ILKAP: variants seen among roughly 807,000 people sequenced by gnomAD.
ILKAP encodes the protein ILK associated serine/threonine phosphatase.
A neutral mutation model predicts 49.1 loss-of-function variants in ILKAP; 11 were observed. That is an observed-to-expected ratio of 0.22 (90% CI 0.14 to 0.37). The LOEUF (loss-of-function observed/expected upper bound fraction) is 0.37. Among genes scored for constraint, ILKAP ranks in the 10% least tolerant of loss-of-function variants. ILKAP has a pLI of 1.00. For missense variants in ILKAP, 363 were observed against 510.8 expected, an observed-to-expected ratio of 0.71 and a Z score of 2.79; for synonymous variants, 186 against 192.8, an observed-to-expected ratio of 0.96 and a Z score of 0.29.
At chr2:238,199,125 T>C (rs1465077338) in intron 1 of ILKAP, among the ~76,000 whole-genome samples, 1 of 152,138 alleles carries the variant, frequency 6.6e-6, no homozygotes, top group African/African-American at 2.4e-5. Context: ...CAAGGCATGC[T>C]CCAGGCCAAC....
At chr2:238,181,931 G>C in intron 9 of ILKAP, 134 bp downstream of exon 9, 2 of 898,908 alleles carry the variant, frequency 2.2e-6, no homozygotes, top group Non-Finnish European at 3.4e-6. Flanking sequence ...TATGTCACCA[G>C]TGTTAGATCT....
intron 11 of ILKAP, 45 bp downstream of exon 11, chr2:238,170,897 TA>T: frequency 6.4e-7 from 1 of 1,561,458 alleles, no homozygotes; most frequent in Non-Finnish European, 8.8e-7. Flanking sequence ...CTCTGAAAAC[TA>T]AGACACAATT....
At chr2:238,188,883 T>C (rs755349879) in intron 4 of ILKAP, among the ~76,000 whole-genome samples, 15 of 152,244 alleles carry the variant, frequency 9.9e-5, no homozygotes, top group African/African-American at 3.4e-4. Context: ...TGTGAAGAGC[T>C]GTCTTCTGGG....
Position 238,203,570 on chromosome 2 carries a change from AGGC to A in ILKAP, c.-20_-18del. The A allele has an allele frequency of 8.7e-7, 1 of 1,150,462 alleles. No individual in the cohort carries two copies. The highest frequency in any genetic ancestry group is 1.1e-6 in the Non-Finnish European group (1 of 933,476). The allele number at this position is 1,150,462 out of a possible 1,614,324, so 71.3% of individuals were successfully genotyped here. ...GAGGTCCATGGCGGAGGCTGGGTGG[AGGC>A]GGCAGCAGCGACAGACACTCAGCCC... On this transcript the variant is annotated 5_prime_UTR_variant, in exon 1 of 12. Transcript: ENST00000254654.
chr2:238,185,327 A>C, intron 5 of ILKAP, 40 bp from the exon 6 acceptor site: 1 of 1,270,622 alleles, frequency 7.9e-7, no homozygotes, highest in Admixed American at 1.7e-5. Flanking sequence ...TTCTCACAGC[A>C]AAAACCACAC....
chr2:238,173,792 A>C, intron 9 of ILKAP, 139 bp from the exon 10 acceptor site: 1 of 1,055,248 alleles, frequency 9.5e-7, no homozygotes, highest in Non-Finnish European at 1.3e-6. Context: ...CACTACTGAC[A>C]TTTCTTGATC....
chr2:238,185,515 G>C (rs1693867089), intron 5 of ILKAP: 1 of 428,238 alleles, frequency 2.3e-6, no homozygotes, highest in Non-Finnish European at 4.3e-6. Context: ...AAAAATACTT[G>C]TGTGTGGGCC....
Position 238,194,348 on chromosome 2 carries a change from C to A in ILKAP, c.122-17G>T, listed in dbSNP as rs766189373. 69 of 1,613,218 alleles carry A rather than the reference C, an allele frequency of 4.3e-5. No individual in the cohort carries two copies. Among genetic ancestry groups the A allele is most frequent in the Non-Finnish European group, 5.9e-5 (69 of 1,179,410 alleles). On this transcript the variant is annotated splice_polypyrimidine_tract_variant and intron_variant, in intron 2 of 11. Coordinates refer to ENST00000254654, the MANE Select transcript of ILKAP (RefSeq NM_030768.3). ...CCCCTGATCCTGAAACACAGCAGAA[C>A]ACTTAGTGAGCCCACAAAAAATATG...
In ILKAP at chr2:238,194,858, T is replaced by A. The variant is rs375397355; in HGVS notation, c.68A>T (p.Gln23Leu). ...GTCATCAAAGAGCAGGGGTCCTTTC[T>A]GAGCTTCTTTCCCTAAAACACAGAA... ...SPRPAAGKEA[Q>L]KGPLLFDDLP... The change falls in exon 2 of 12, where the codon CAG (glutamine) becomes CTG (leucine). Residue 23 changes from glutamine to leucine, a missense_variant. Gln to Leu is a moderately radical substitution (Grantham distance 113). This residue lies in a region of ILKAP where 114 missense variants were observed against 116.0 expected (regional missense o/e 0.98). Coordinates refer to ENST00000254654, the MANE Select transcript of ILKAP (RefSeq NM_030768.3). 5 of 1,613,948 alleles carry A rather than the reference T, an allele frequency of 3.1e-6. No homozygotes were observed. The highest frequency in any genetic ancestry group is 1.7e-5 in the Admixed American group (1 of 60,000).
chr2:238,186,440 C>T (rs1374912916), intron 5 of ILKAP: 1 of 152,300 alleles, frequency 6.6e-6, no homozygotes, highest in East Asian at 1.9e-4. Context: ...CAAGACCAGC[C>T]TGGGCAACAT....
At position 238,170,694 on chromosome 2, in the gene ILKAP, G is replaced by A. The variant is rs748360664; in HGVS notation, c.1039-18C>T. On this transcript the variant is annotated intron_variant, in intron 11 of 11. Coordinates refer to ENST00000254654, the MANE Select transcript of ILKAP (RefSeq NM_030768.3). ...TTTTCATCCTACCAGATGAGAAAGG[G>A]AATGAGTGAATGGAGTGACCCCGCA... is the stretch of plus-strand genomic sequence containing the variant. The A allele has an allele frequency of 1.3e-6, 2 of 1,593,822 alleles. No homozygotes were observed. The highest frequency in any genetic ancestry group is 1.7e-6 in the Non-Finnish European group (2 of 1,165,492).
At chr2:238,201,999 C>A (rs562320002) in intron 1 of ILKAP, among the ~76,000 whole-genome samples, 35 of 152,136 alleles carry the variant, frequency 2.3e-4, no homozygotes, top group Non-Finnish European at 4.0e-4. Context: ...CCGAGGCGGG[C>A]GGATCACCTG....
chr2:238,179,825 G>A (rs373669192), intron 9 of ILKAP, among the ~76,000 whole-genome samples: 2 of 151,752 alleles, frequency 1.3e-5, no homozygotes, highest in Non-Finnish European at 2.9e-5. Context: ...AAAAAAATAC[G>A]CAGGTTCAGA....
At chr2:238,193,075 C>A (rs1218629253) in intron 3 of ILKAP, among the ~76,000 whole-genome samples, 2 of 152,164 alleles carry the variant, frequency 1.3e-5, no homozygotes, top group African/African-American at 4.8e-5. Context: ...GATTATATAT[C>A]CAAAAAATTA....
intron 10 of ILKAP, among the ~76,000 whole-genome samples, chr2:238,171,409 C>T (rs1693214495): frequency 6.6e-6 from 1 of 152,164 alleles, no homozygotes; most frequent in African/African-American, 2.4e-5. Context: ...GATTCACCTG[C>T]CTCAGCCTCC....
intron 9 of ILKAP, among the ~76,000 whole-genome samples, chr2:238,178,464 C>T (rs1052518559): frequency 1.3e-5 from 2 of 152,240 alleles, no homozygotes; most frequent in Admixed American, 1.3e-4. Flanking sequence ...ACTGGAATTA[C>T]AGGTGTGAGC....
chr2:238,198,237 A>AT (rs914367045), intron 1 of ILKAP, among the ~76,000 whole-genome samples: 77 of 147,122 alleles, frequency 5.2e-4, no homozygotes, highest in Middle Eastern at 3.6e-3. Flanking sequence ...AAAACCTTAG[A>AT]TTTTTTTTTT....
intron 9 of ILKAP, among the ~76,000 whole-genome samples, chr2:238,174,822 A>G (rs1478925583): frequency 6.6e-6 from 1 of 152,132 alleles, no homozygotes; most frequent in East Asian, 1.9e-4. Flanking sequence ...CCTGGCCTTA[A>G]GAGTGCCACT....
At chr2:238,202,887 GAAA>G (rs397954562) in intron 1 of ILKAP, among the ~76,000 whole-genome samples, 1 of 116,712 alleles carries the variant, frequency 8.6e-6, no homozygotes, top group Non-Finnish European at 1.9e-5. Flanking sequence ...CCGTGGACCA[GAAA>G]AAAAAAAAAA....
Sources: allele counts gnomAD v4.1 joint callset (sites outside exome capture counted in the v4.1 genomes callset), GRCh38; gene constraint gnomAD v4.1.1; regional missense constraint gnomAD v4.1.1; transcripts MANE v1.5; gene names NCBI Gene and HGNC (gene_info 2026-07-23, HGNC 2026-07-21).